Variants in INPP4B observed in about 807,000 individuals in gnomAD.
INPP4B encodes inositol polyphosphate 4-phosphatase type II.
A neutral mutation model predicts 122.5 loss-of-function variants in INPP4B; 55 were observed. That is an observed-to-expected ratio of 0.45 (90% CI 0.36 to 0.56). The LOEUF (loss-of-function observed/expected upper bound fraction) is 0.56. Ranked by LOEUF, INPP4B falls within the 20% of genes least tolerant of loss-of-function variation. INPP4B has a pLI of 0.00. For synonymous variants in INPP4B, 403 were observed against 388.7 expected, an observed-to-expected ratio of 1.04 and a Z score of -0.43; for missense variants, 1,000 against 1,097.7, an observed-to-expected ratio of 0.91 and a Z score of 1.26.
chr4:142,661,235 G>A (rs1755121041), intron 2 of INPP4B, among the ~76,000 whole-genome samples: 1 of 152,148 alleles, frequency 6.6e-6, no homozygotes, highest in African/African-American at 2.4e-5. Context: ...GGATGGACAA[G>A]AACCCAGTCT....
intron 15 of INPP4B, among the ~76,000 whole-genome samples, chr4:142,191,495 AC>A (rs1835812081): frequency 6.6e-6 from 1 of 151,898 alleles, no homozygotes; most frequent in South Asian, 2.1e-4. Context: ...TTCCACTCAT[AC>A]CCCCACATCA....
intron 25 of INPP4B, among the ~76,000 whole-genome samples, chr4:142,046,335 C>T (rs149449185): frequency 1.3e-5 from 2 of 152,044 alleles, no homozygotes; most frequent in Admixed American, 6.6e-5. Context: ...CAACTACAAT[C>T]GAAGACAGTG....
At chr4:142,305,264 C>T (rs1462912331) in intron 9 of INPP4B, among the ~76,000 whole-genome samples, 194 bp downstream of exon 9, 1 of 152,132 alleles carries the variant, frequency 6.6e-6, no homozygotes, top group Non-Finnish European at 1.5e-5. Context: ...TAACATTTCA[C>T]AACCTGAAAC....
chr4:142,541,486 A>T (rs1285681149), intron 2 of INPP4B, among the ~76,000 whole-genome samples: 1 of 151,494 alleles, frequency 6.6e-6, no homozygotes, highest in Non-Finnish European at 1.5e-5. Context: ...GATTAAAAGA[A>T]TCTGTCCAAT....
intron 2 of INPP4B, among the ~76,000 whole-genome samples, chr4:142,564,230 G>C (rs970144494): frequency 2.0e-5 from 3 of 152,126 alleles, no homozygotes; most frequent in Admixed American, 2.0e-4. Flanking sequence ...TGTGAGGCTT[G>C]CAGTTTACCT....
At chr4:142,818,072 T>G (rs1408031366) in intron 1 of INPP4B, among the ~76,000 whole-genome samples, 2 of 152,196 alleles carry the variant, frequency 1.3e-5, no homozygotes, top group East Asian at 1.9e-4. Flanking sequence ...ATATCAAGTC[T>G]TCAGAATAGT....
chr4:142,176,600 C>T (rs902439938), intron 15 of INPP4B, among the ~76,000 whole-genome samples: 1 of 152,134 alleles, frequency 6.6e-6, no homozygotes, highest in Non-Finnish European at 1.5e-5. Flanking sequence ...GTTCTTTATT[C>T]ATGCCCTAGT....
At chr4:142,029,927 C>T (rs336356) in intron 25 of INPP4B, 74,887 of 1,260,312 alleles carry the variant, frequency 0.059, 3,728 homozygotes, top group African/African-American at 0.26. Context: ...TGGGAAACAC[C>T]TTTCCATGAA....
intron 15 of INPP4B, among the ~76,000 whole-genome samples, chr4:142,178,128 T>G (rs887468943): frequency 6.6e-6 from 1 of 152,188 alleles, no homozygotes; most frequent in African/African-American, 2.4e-5. Context: ...CTCCCCACTT[T>G]CAACACCCAG....
At chr4:142,177,462 T>C (rs10026164) in intron 15 of INPP4B, among the ~76,000 whole-genome samples, 15,130 of 152,022 alleles carry the variant, frequency 0.1, 1,111 homozygotes, top group African/African-American at 0.2. Context: ...TTAAACTGGA[T>C]CCAAACACTT....
chr4:142,610,769 G>T (rs1467912832), intron 2 of INPP4B, among the ~76,000 whole-genome samples: 1 of 152,000 alleles, frequency 6.6e-6, no homozygotes, highest in Non-Finnish European at 1.5e-5. Flanking sequence ...AATTAACTGA[G>T]AAATATATAT....
At chr4:142,357,305 C>T (rs951163377) in intron 7 of INPP4B, among the ~76,000 whole-genome samples, 1 of 151,868 alleles carries the variant, frequency 6.6e-6, no homozygotes, top group African/African-American at 2.4e-5. Flanking sequence ...TGGTACTGAG[C>T]CCTTAACCTG....
chr4:142,231,488 T>TA (rs1322762569), intron 12 of INPP4B, among the ~76,000 whole-genome samples: 3 of 152,208 alleles, frequency 2.0e-5, no homozygotes, highest in African/African-American at 4.8e-5. Flanking sequence ...CTCGCTGATT[T>TA]AAAAAAATTA....
In INPP4B at chr4:142,154,235, A is replaced by T. The variant is rs577865097; in HGVS notation, c.1563+6123T>A. Among the ~76,000 whole-genome samples, 4 of 152,240 alleles carry T rather than the reference A, an allele frequency of 2.6e-5. No homozygotes were observed. In the South Asian group the frequency reaches 8.3e-4, roughly 32 times the overall value. ...AAAAAAAAAAAGAAAAACCTGGGAC[A>T]AGGGACAACTAGTCACTTTCAATTT... is the stretch of plus-strand genomic sequence containing the variant. On this transcript the variant is annotated intron_variant, in intron 17 of 25. Coordinates refer to ENST00000262992, the MANE Select transcript of INPP4B (RefSeq NM_001101669.3).
chr4:142,309,197 C>A (rs2151246469), intron 8 of INPP4B, among the ~76,000 whole-genome samples: 1 of 152,124 alleles, frequency 6.6e-6, no homozygotes, highest in African/African-American at 2.4e-5. Context: ...AGTCAGATGC[C>A]TTAAAAGTAT....
chr4:142,558,594 A>G (rs1729720081), intron 2 of INPP4B, among the ~76,000 whole-genome samples: 1 of 151,910 alleles, frequency 6.6e-6, no homozygotes, highest in Non-Finnish European at 1.5e-5. Context: ...TCATCTGGAA[A>G]TCTCAGTGGG....
chr4:142,374,209 T>G (rs2148748242), intron 7 of INPP4B, among the ~76,000 whole-genome samples: 1 of 152,062 alleles, frequency 6.6e-6, no homozygotes, highest in East Asian at 1.9e-4. Context: ...CTCTCAGTGC[T>G]TAAGTAACTG....
intron 9 of INPP4B, among the ~76,000 whole-genome samples, chr4:142,304,361 A>G (rs574757965): frequency 6.6e-6 from 1 of 152,228 alleles, no homozygotes; most frequent in African/African-American, 2.4e-5. Flanking sequence ...TAACACCAAC[A>G]CCGACACCAT....
At chr4:142,322,144 T>C (rs1770321548) in intron 7 of INPP4B, among the ~76,000 whole-genome samples, 2 of 152,164 alleles carry the variant, frequency 1.3e-5, no homozygotes, top group Admixed American at 1.3e-4. Context: ...TCTTCAGCTT[T>C]CTAAAATCTA....
Sources: gnomAD v4.1 joint callset for allele counts (sites outside exome capture counted in the v4.1 genomes callset) on GRCh38, gnomAD v4.1.1 for gene constraint, MANE v1.5 for transcripts, NCBI Gene and HGNC (gene_info 2026-07-23, HGNC 2026-07-21) for gene names.